Variants in RFX3 observed in about 807,000 individuals in gnomAD.
The protein encoded by RFX3 is transcription factor RFX3.
Under a neutral mutation model 98.6 loss-of-function variants are expected in RFX3, and 14 were observed. The ratio of observed to expected loss-of-function variants is 0.14; its 90% CI spans 0.09 to 0.22. The LOEUF (loss-of-function observed/expected upper bound fraction) is 0.22. Among genes scored for constraint, RFX3 ranks in the 10% least tolerant of loss-of-function variants. RFX3 has a pLI of 1.00. For missense variants in RFX3, 639 were observed against 926.9 expected (o/e 0.69, Z 4.03); for synonymous variants, 383 against 328.4 (o/e 1.17, Z -1.80).
intron 1 of RFX3, among the ~76,000 whole-genome samples, chr9:3,476,469 G>A (rs1033034895): frequency 6.6e-6 from 1 of 152,066 alleles, no homozygotes; most frequent in Admixed American, 6.6e-5. Context: ...GAAAACAGGG[G>A]AAGAGATGAA....
intron 2 of RFX3, chr9:3,394,948 G>A (rs1302194559): frequency 2.3e-6 from 1 of 430,800 alleles, no homozygotes; most frequent in Non-Finnish European, 3.1e-6. Flanking sequence ...AATAGCTTGA[G>A]TCAGATCTCC....
Position 3,301,176 on chromosome 9 carries a change from A to G in RFX3, c.549+370T>C, listed in dbSNP as rs1399676064. Among the ~76,000 whole-genome samples the G allele has an allele frequency of 3.3e-5, 5 of 151,636 alleles. 1 individual carries two copies. In the East Asian group the frequency reaches 9.6e-4, roughly 29 times the overall value. The stretch of plus-strand genomic sequence containing the variant: ...AACATTACTGGTCACGCAAGTAGAC[A>G]TGGCTGTTTGACAGAGATGCAGATT... On this transcript the variant is annotated intron_variant, in intron 5 of 16. Coordinates refer to ENST00000617270, the MANE Select transcript of RFX3 (RefSeq NM_001282116.2).
chr9:3,357,682 T>C (rs767492610), intron 2 of RFX3, among the ~76,000 whole-genome samples: 2 of 151,958 alleles, frequency 1.3e-5, no homozygotes, highest in Non-Finnish European at 2.9e-5. Context: ...TTTGGTAGTA[T>C]AGTAGGGAAA....
intron 15 of RFX3, among the ~76,000 whole-genome samples, chr9:3,242,325 C>T (rs1820049820): frequency 6.6e-6 from 1 of 151,894 alleles, no homozygotes. Flanking sequence ...AAATAATAAG[C>T]TTCACTCTAA....
chr9:3,306,782 A>G (rs1462382484), intron 4 of RFX3, among the ~76,000 whole-genome samples: 2 of 152,142 alleles, frequency 1.3e-5, no homozygotes, highest in African/African-American at 2.4e-5. Flanking sequence ...ATTGACAAAT[A>G]ATACCTGGCA....
intron 2 of RFX3, among the ~76,000 whole-genome samples, chr9:3,373,632 G>A (rs1838101005): frequency 6.6e-6 from 1 of 152,180 alleles, no homozygotes; most frequent in African/African-American, 2.4e-5. Context: ...ATAAGGAAAG[G>A]TGAAGCTCTA....
intron 1 of RFX3, among the ~76,000 whole-genome samples, chr9:3,417,564 A>G (rs947583680): frequency 1.3e-5 from 2 of 152,178 alleles, no homozygotes; most frequent in Non-Finnish European, 2.9e-5. Flanking sequence ...TACATTTCTA[A>G]CTAACCCATG....
intron 2 of RFX3, among the ~76,000 whole-genome samples, chr9:3,370,641 T>C (rs1837735988): frequency 6.6e-6 from 1 of 152,084 alleles, no homozygotes; most frequent in Non-Finnish European, 1.5e-5. Flanking sequence ...CAATCACTTC[T>C]CAAAACATAA....
intron 4 of RFX3, among the ~76,000 whole-genome samples, chr9:3,307,249 A>T (rs1480333941): frequency 6.6e-6 from 1 of 152,074 alleles, no homozygotes; most frequent in Non-Finnish European, 1.5e-5. Flanking sequence ...AACTAATACA[A>T]TTGGCCAAAT....
At chr9:3,429,819 G>C (rs1844483688) in intron 1 of RFX3, among the ~76,000 whole-genome samples, 1 of 152,156 alleles carries the variant, frequency 6.6e-6, no homozygotes, top group Non-Finnish European at 1.5e-5. Flanking sequence ...TTAAACAATA[G>C]AGAGATGGAC....
chr9:3,301,581 G>A lies in RFX3; in HGVS notation c.514C>T (p.Leu172=), dbSNP rs1356899030. 1 of 1,601,650 alleles carries A rather than the reference G, an allele frequency of 6.2e-7. No homozygotes were observed. Among genetic ancestry groups the A allele is most frequent in the African/African-American group, 1.3e-5 (1 of 74,644 alleles). The change falls in exon 5 of 17, where the codon CTG becomes TTG. Residue 172 remains leucine, a synonymous_variant. Coordinates refer to ENST00000617270, the MANE Select transcript of RFX3 (RefSeq NM_001282116.2). Reference sequence around the variant, plus strand: ...AGAAGAGAGCTTCTGTGAGTGGACAGACCGTCAGACTTTTGCAGCGTCTCA... The same window carrying A: ...AGAAGAGAGCTTCTGTGAGTGGACAAACCGTCAGACTTTTGCAGCGTCTCA... ...AIETLQKSDG[L]STHRSSLLNS...
chr9:3,222,711 T>C lies in RFX3; in HGVS notation c.*2331A>G, dbSNP rs946799715. ...TCCTATGCACAATGAAGTAGATACATGAACTTTTGCAGATTATCATGTTTT... is the reference window on the plus strand; with the variant it reads ...TCCTATGCACAATGAAGTAGATACACGAACTTTTGCAGATTATCATGTTTT... On this transcript the variant is annotated 3_prime_UTR_variant, in exon 17 of 17. Transcript: ENST00000617270. 12 of 152,306 alleles carry C rather than the reference T, an allele frequency of 7.9e-5. No homozygotes were observed. Among genetic ancestry groups the C allele is most frequent in the African/African-American group, 2.9e-4 (12 of 41,576 alleles). The allele number at this position is 152,306 out of a possible 1,614,324, so 9.4% of individuals were successfully genotyped here.
intron 13 of RFX3, among the ~76,000 whole-genome samples, chr9:3,262,007 G>C (rs1227719002): frequency 6.6e-6 from 1 of 151,934 alleles, no homozygotes; most frequent in Non-Finnish European, 1.5e-5. Context: ...CTTTATTACT[G>C]GGTTGTAATG....
intron 14 of RFX3, among the ~76,000 whole-genome samples, chr9:3,250,352 T>C (rs766904777): frequency 1.3e-5 from 2 of 151,964 alleles, no homozygotes; most frequent in Admixed American, 6.6e-5. Flanking sequence ...ATAAGACAAA[T>C]GCCTAACAAA....
rs71495494 is a variant in RFX3 at position 3,356,155 on chromosome 9, TGGAAGGAAGGAA to T, written c.118-9403_118-9392del. ...AAGAATATATCAAATCTAGAATAAG[TGGAAGGAAGGAA>T]GGAAGGAAGGAAGGAAGGAAGGAAG... On this transcript the variant is annotated intron_variant, in intron 2 of 16. Transcript: ENST00000617270. Among the ~76,000 whole-genome samples the T allele has an allele frequency of 3.1e-3, 389 of 125,748 alleles. 1 individual carries two copies. Among genetic ancestry groups the T allele is most frequent in the Non-Finnish European group, 4.3e-3 (262 of 61,058 alleles). The allele number at this position is 125,748 out of a possible 152,430, so 82.5% of individuals were successfully genotyped here.
chr9:3,259,558 T>C (rs1586775054), intron 13 of RFX3, among the ~76,000 whole-genome samples: 1 of 150,246 alleles, frequency 6.7e-6, no homozygotes, highest in Admixed American at 6.6e-5. Flanking sequence ...AAAATCAGAA[T>C]GCCTTTTAAA....
intron 2 of RFX3, among the ~76,000 whole-genome samples, chr9:3,371,663 C>G (rs1166511046): frequency 6.6e-6 from 1 of 152,058 alleles, no homozygotes; most frequent in Admixed American, 6.6e-5. Context: ...AAAGACGCTA[C>G]AGGAAGTCCA....
chr9:3,353,777 C>G (rs1011148766), intron 2 of RFX3, among the ~76,000 whole-genome samples: 1 of 151,944 alleles, frequency 6.6e-6, no homozygotes, highest in Non-Finnish European at 1.5e-5. Context: ...TAATGCCTAG[C>G]ATATAATAAA....
chr9:3,443,925 G>C (rs575924426), intron 1 of RFX3, among the ~76,000 whole-genome samples: 116 of 152,308 alleles, frequency 7.6e-4, no homozygotes, highest in African/African-American at 2.7e-3. Flanking sequence ...CACATCAACT[G>C]TTGGTAAGGA....
Sources: allele counts gnomAD v4.1 joint callset (sites outside exome capture counted in the v4.1 genomes callset), GRCh38; gene constraint gnomAD v4.1.1; transcripts MANE v1.5; gene names NCBI Gene and HGNC (gene_info 2026-07-23, HGNC 2026-07-21).